The following FAAH2 variants were observed in gnomAD, a reference collection of about 807,000 sequenced individuals.
The protein encoded by FAAH2 is fatty-acid amide hydrolase 2.
Under a neutral mutation model 36.9 loss-of-function variants are expected in FAAH2, and 60 were observed. The observed-to-expected ratio is 1.63, with a 90% CI of 1.32 to 2.02. FAAH2 has a LOEUF of 2.02. Ranked by LOEUF, FAAH2 falls within the 30% of genes most tolerant of loss-of-function variation. The pLI is 0.00. For synonymous variants in FAAH2, 214 were observed against 143.8 expected (o/e 1.49, Z -3.49); for missense variants, 689 against 397.5 (o/e 1.73, Z -6.23).
chrX:57,419,477 A>G (rs1365499339), intron 7 of FAAH2, among the ~76,000 whole-genome samples: 1 of 112,166 alleles, frequency 8.9e-6, no homozygotes, highest in Admixed American at 9.4e-5. Context: ...AGTGATGGTG[A>G]GCATTTTTTC....
chrX:57,197,543 AT>A, the FAAH2 span, among the ~76,000 whole-genome samples: 16 of 105,344 alleles, frequency 1.5e-4, no homozygotes, highest in South Asian at 8.3e-4. Flanking sequence ...CTATTCAGAT[AT>A]TTTTTTTTTG....
At chrX:57,473,690 T>A (rs1056419780) in intron 10 of FAAH2, among the ~76,000 whole-genome samples, 2 of 111,749 alleles carry the variant, frequency 1.8e-5, no homozygotes, top group Non-Finnish European at 3.8e-5. Flanking sequence ...TAAATCTGGA[T>A]GTTCCAGTGT....
intron 3 of FAAH2, among the ~76,000 whole-genome samples, chrX:57,320,305 C>T (rs776096263): frequency 8.9e-6 from 1 of 112,037 alleles, no homozygotes; most frequent in South Asian, 3.7e-4. Context: ...CTACAAGAAA[C>T]TTAAACAAAT....
chrX:57,289,311 T>G (rs1400885190), intron 1 of FAAH2, among the ~76,000 whole-genome samples: 3 of 110,526 alleles, frequency 2.7e-5, no homozygotes, highest in African/African-American at 9.8e-5. Context: ...CTACTGTCTT[T>G]TGCTTGCTTT....
At chrX:57,152,093 G>T in the FAAH2 span, among the ~76,000 whole-genome samples, 1 of 111,917 alleles carries the variant, frequency 8.9e-6, no homozygotes, top group South Asian at 3.7e-4. Flanking sequence ...GGATATTGGT[G>T]ATCTGCAAAT....
chrX:57,219,178 A>C, the FAAH2 span, among the ~76,000 whole-genome samples: 1 of 111,867 alleles, frequency 8.9e-6, no homozygotes, highest in African/African-American at 3.3e-5. Flanking sequence ...ACTGTAAAAC[A>C]TTTGTCCCAT....
chrX:57,380,258 A>G (rs2054807647), intron 6 of FAAH2, among the ~76,000 whole-genome samples: 1 of 110,046 alleles, frequency 9.1e-6, no homozygotes, highest in African/African-American at 3.3e-5. Flanking sequence ...TCTCAGAATG[A>G]CTCCATCTAC....
chrX:57,151,524 T>C, the FAAH2 span, among the ~76,000 whole-genome samples: 3 of 112,034 alleles, frequency 2.7e-5, no homozygotes, highest in African/African-American at 9.7e-5. Flanking sequence ...TCTTCCATCG[T>C]TGATACCCTT....
the FAAH2 span, among the ~76,000 whole-genome samples, chrX:57,159,339 A>T: frequency 8.9e-6 from 1 of 111,848 alleles, no homozygotes; most frequent in Non-Finnish European, 1.9e-5. Flanking sequence ...TTTTGGTTCC[A>T]TATGAACTTT....
At chrX:57,350,180 A>G (rs952747711) in intron 5 of FAAH2, among the ~76,000 whole-genome samples, 1 of 111,437 alleles carries the variant, frequency 9.0e-6, no homozygotes, top group Non-Finnish European at 1.9e-5. Context: ...TAAATGAAGT[A>G]TAAATAAAGT....
intron 7 of FAAH2, among the ~76,000 whole-genome samples, chrX:57,383,006 G>C (rs2054899195): frequency 9.0e-6 from 1 of 111,267 alleles, no homozygotes; most frequent in Non-Finnish European, 1.9e-5. Context: ...TCCCTGGGAT[G>C]CAAGGCTGGT....
chrX:57,137,314 G>T, the FAAH2 span: 1 of 759,204 alleles, frequency 1.3e-6, no homozygotes, highest in Non-Finnish European at 1.6e-6. Flanking sequence ...CAGGCGACTC[G>T]CTGAGTGACT....
At chrX:57,190,367 T>G in the FAAH2 span, among the ~76,000 whole-genome samples, 2 of 106,462 alleles carry the variant, frequency 1.9e-5, no homozygotes, top group African/African-American at 6.8e-5. Flanking sequence ...CAAGACCACT[T>G]GGCTCCCTGG....
chrX:57,231,645 ATCTTAGAAAC>A, the FAAH2 span, among the ~76,000 whole-genome samples: 1 of 111,900 alleles, frequency 8.9e-6, no homozygotes, highest in African/African-American at 3.2e-5. Flanking sequence ...CTCACAGTAC[ATCTTAGAAAC>A]TGAGATATAG....
intron 7 of FAAH2, chrX:57,392,667 T>A: frequency 1.5e-6 from 1 of 655,714 alleles, no homozygotes; most frequent in South Asian, 2.2e-5. Flanking sequence ...TCACCTGTTC[T>A]GTTTCAGGGT....
At chrX:57,324,533 T>C (rs1271872539) in intron 3 of FAAH2, among the ~76,000 whole-genome samples, 1 of 111,960 alleles carries the variant, frequency 8.9e-6, no homozygotes, top group Non-Finnish European at 1.9e-5. Context: ...TGGTTTGTAG[T>C]TCTCCTTGAA....
At chrX:57,197,865 A>T in the FAAH2 span, among the ~76,000 whole-genome samples, 1 of 112,293 alleles carries the variant, frequency 8.9e-6, no homozygotes, top group Non-Finnish European at 1.9e-5. Context: ...TTGTGCTAGC[A>T]GTGAACTTGT....
chrX:57,246,518 G>A, the FAAH2 span, among the ~76,000 whole-genome samples: 40,389 of 110,388 alleles, frequency 0.37, 6,319 homozygotes, highest in Middle Eastern at 0.61. Context: ...AAAGCTTATC[G>A]ACCATGATCA....
intron 8 of FAAH2, among the ~76,000 whole-genome samples, chrX:57,432,408 T>C (rs2056323573): frequency 9.0e-6 from 1 of 111,556 alleles, no homozygotes; most frequent in African/African-American, 3.3e-5. Context: ...CTTAGTATGT[T>C]GTATGCTAGG....
Sources: allele counts gnomAD v4.1 joint callset (sites outside exome capture counted in the v4.1 genomes callset), GRCh38; gene constraint gnomAD v4.1.1; transcripts MANE v1.5; gene names NCBI Gene and HGNC (gene_info 2026-07-23, HGNC 2026-07-21).